The following DPP6 variants were observed in gnomAD, a reference collection of about 807,000 sequenced individuals.
DPP6 encodes the protein A-type potassium channel modulatory protein DPP6.
Under a neutral mutation model 122.6 loss-of-function variants are expected in DPP6, and 69 were observed. The observed-to-expected ratio is 0.56, with a 90% CI of 0.46 to 0.69. The LOEUF is 0.69. Ranked by LOEUF, DPP6 falls within the 30% of genes least tolerant of loss-of-function variation. DPP6 has a pLI of 0.00. For synonymous variants in DPP6, 418 were observed against 433.1 expected (o/e 0.97, Z 0.43); for missense variants, 928 against 1,116.9 (o/e 0.83, Z 2.41).
At chr7:153,920,443 C>T (rs951354880) in intron 1 of DPP6, among the ~76,000 whole-genome samples, 3 of 151,920 alleles carry the variant, frequency 2.0e-5, no homozygotes, top group Non-Finnish European at 4.4e-5. Flanking sequence ...GACAAGAGGC[C>T]TCAAAGCAGC....
chr7:154,425,098 AAAG>A (rs1446983701), intron 1 of DPP6, among the ~76,000 whole-genome samples: 1 of 152,216 alleles, frequency 6.6e-6, no homozygotes, highest in African/African-American at 2.4e-5. Context: ...ATTCTTTCCA[AAAG>A]AAGAACAGAC....
At chr7:154,756,831 C>T (rs1174292911) in intron 8 of DPP6, among the ~76,000 whole-genome samples, 2 of 152,102 alleles carry the variant, frequency 1.3e-5, no homozygotes, top group Non-Finnish European at 2.9e-5. Context: ...GCGCATTAGG[C>T]CCGCCACAAT....
At chr7:154,519,700 T>A (rs1051079860) in intron 3 of DPP6, among the ~76,000 whole-genome samples, 1 of 152,236 alleles carries the variant, frequency 6.6e-6, no homozygotes, top group Non-Finnish European at 1.5e-5. Context: ...GTTTGCATTT[T>A]GGATTATTTT....
chr7:154,583,341 C>T (rs921903793), intron 5 of DPP6, among the ~76,000 whole-genome samples: 2 of 152,196 alleles, frequency 1.3e-5, no homozygotes, highest in African/African-American at 4.8e-5. Context: ...CCAATCTCCT[C>T]AGGCCTCCTG....
intron 1 of DPP6, among the ~76,000 whole-genome samples, chr7:154,312,240 A>G (rs6464401): frequency 0.57 from 86,159 of 151,916 alleles, 25,652 homozygotes; most frequent in African/African-American, 0.74. Flanking sequence ...AGGATTTGAT[A>G]GTAATAGTGT....
intron 18 of DPP6, 69 bp downstream of exon 18, chr7:154,868,162 C>A: frequency 6.5e-7 from 1 of 1,529,758 alleles, no homozygotes; most frequent in South Asian, 1.2e-5. Context: ...ACAGTGCAGT[C>A]ATCAGCAGCA....
At chr7:154,306,422 G>A (rs970168212) in intron 1 of DPP6, among the ~76,000 whole-genome samples, 3 of 152,232 alleles carry the variant, frequency 2.0e-5, no homozygotes, top group Non-Finnish European at 2.9e-5. Context: ...GACACCAATA[G>A]ATTCACAAAG....
At chr7:153,782,767 G>A in the DPP6 span, among the ~76,000 whole-genome samples, 29 of 152,280 alleles carry the variant, frequency 1.9e-4, no homozygotes, top group Non-Finnish European at 3.8e-4. Context: ...CTCAAGAATG[G>A]AGATAGATTC....
At chr7:153,840,251 A>G in the DPP6 span, among the ~76,000 whole-genome samples, 1 of 152,166 alleles carries the variant, frequency 6.6e-6, no homozygotes, top group Non-Finnish European at 1.5e-5. Context: ...ATATCAGAGA[A>G]AAAAAACATA....
intron 1 of DPP6, among the ~76,000 whole-genome samples, chr7:153,993,416 C>T (rs1797279578): frequency 6.6e-6 from 1 of 152,232 alleles, no homozygotes; most frequent in Non-Finnish European, 1.5e-5. Context: ...GAATGATCTG[C>T]TGAGAGCCCA....
chr7:154,301,604 T>A (rs1226983532), intron 1 of DPP6, among the ~76,000 whole-genome samples: 1 of 152,102 alleles, frequency 6.6e-6, no homozygotes, highest in Non-Finnish European at 1.5e-5. Context: ...CAGATTTAGT[T>A]TTGATCTCCA....
intron 1 of DPP6, among the ~76,000 whole-genome samples, chr7:153,999,002 C>G (rs2159483): frequency 0.41 from 62,062 of 152,062 alleles, 13,370 homozygotes; most frequent in Middle Eastern, 0.49. Flanking sequence ...TCTCAAGTGA[C>G]TTAACGTGGC....
At chr7:153,822,478 A>T in the DPP6 span, among the ~76,000 whole-genome samples, 2 of 152,276 alleles carry the variant, frequency 1.3e-5, no homozygotes, top group South Asian at 4.1e-4. Flanking sequence ...GGCATGAGCC[A>T]CTGTGCCCGG....
chr7:154,059,484 G>GA (rs1427148285), intron 1 of DPP6: 1 of 151,284 alleles, frequency 6.6e-6, no homozygotes, highest in Non-Finnish European at 1.5e-5. Flanking sequence ...GGAACAGAAA[G>GA]AAAGCAGGTT....
In DPP6 at chr7:154,446,258, A is replaced by T. The variant is rs944134716; in HGVS notation, c.288A>T (p.Ile96=). The T allele has an allele frequency of 6.2e-7, 1 of 1,610,918 alleles. No individual in the cohort carries two copies. The highest frequency in any genetic ancestry group is 1.3e-5 in the African/African-American group (1 of 74,792). The change falls in exon 2 of 26, where the codon ATA becomes ATT. Residue 96 remains isoleucine (I), a synonymous_variant. Coordinates refer to ENST00000377770, the MANE Select transcript of DPP6 (RefSeq NM_130797.4). The part of the protein sequence containing the change: ...SNPPQRNWKG[I]AIALLVILVI... ...CTCCGCAGAGGAATTGGAAAGGAAT[A>T]GCAATTGCACTGCTTGTCATTCTGG...
the DPP6 span, among the ~76,000 whole-genome samples, chr7:153,760,806 T>G: frequency 6.6e-6 from 1 of 152,260 alleles, no homozygotes; most frequent in Non-Finnish European, 1.5e-5. Flanking sequence ...CCTCCAATAC[T>G]TCCAGGTTAT....
chr7:154,685,525 A>G (rs1342525979), intron 7 of DPP6, among the ~76,000 whole-genome samples: 10 of 152,220 alleles, frequency 6.6e-5, no homozygotes, highest in Admixed American at 6.5e-4. Context: ...TTAGATGCTT[A>G]CAGGCGGGAC....
Position 154,807,128 on chromosome 7 carries a change from C to A in DPP6, c.1666+16C>A, listed in dbSNP as rs1321863432. 1.9e-6 allele frequency: 3 copies of A among 1,610,504 alleles called. No homozygotes were observed. Among genetic ancestry groups the A allele is most frequent in the Non-Finnish European group, 2.5e-6 (3 of 1,179,324 alleles). On this transcript the variant is annotated intron_variant, in intron 16 of 25. Coordinates refer to ENST00000377770, the MANE Select transcript of DPP6 (RefSeq NM_130797.4). Reference sequence around the variant, plus strand: ...AAGTGCGAAGGTCAGCTCCTGCCACCCCGTCAGGGCAAAGAGCCCTGGCAG... The same window carrying A: ...AAGTGCGAAGGTCAGCTCCTGCCACACCGTCAGGGCAAAGAGCCCTGGCAG...
chr7:154,284,281 C>T (rs780316803), intron 1 of DPP6, among the ~76,000 whole-genome samples: 3 of 151,800 alleles, frequency 2.0e-5, no homozygotes, highest in African/African-American at 4.8e-5. Context: ...ATCTGCAGGA[C>T]GAAAAAGCAG....
Sources: allele counts gnomAD v4.1 joint callset (sites outside exome capture counted in the v4.1 genomes callset), GRCh38; gene constraint gnomAD v4.1.1; transcripts MANE v1.5; gene names NCBI Gene and HGNC (gene_info 2026-07-23, HGNC 2026-07-21).